The following CACNA2D4 variants were observed in gnomAD, a reference collection of about 807,000 sequenced individuals.
The protein encoded by CACNA2D4 is calcium voltage-gated channel auxiliary subunit alpha2delta 4, also known as voltage-dependent calcium channel subunit alpha-2/delta-4.
In CACNA2D4, 157 loss-of-function variants were observed where a neutral mutation model predicts 163.8. That is an observed-to-expected ratio of 0.96 (90% CI 0.84 to 1.09). CACNA2D4 has a LOEUF of 1.09. Ranked by LOEUF, CACNA2D4 falls within the 50% of genes least tolerant of loss-of-function variation. The pLI is 0.00. For synonymous variants in CACNA2D4, 598 were observed against 586.9 expected (o/e 1.02, Z -0.27); for missense variants, 1,410 against 1,479.9 (o/e 0.95, Z 0.78).
intron 6 of CACNA2D4, among the ~76,000 whole-genome samples, chr12:1,888,423 G>T (rs1866202425): frequency 6.6e-6 from 1 of 152,138 alleles, no homozygotes; most frequent in African/African-American, 2.4e-5. Flanking sequence ...TACATAAGGA[G>T]CAGACCCCTA....
chr12:1,818,642 G>A (rs1449181276), intron 26 of CACNA2D4, among the ~76,000 whole-genome samples: 4 of 151,292 alleles, frequency 2.6e-5, no homozygotes, highest in Non-Finnish European at 4.4e-5. Flanking sequence ...GCGGAAGGCC[G>A]CAGGGTCCTC....
intron 2 of CACNA2D4, among the ~76,000 whole-genome samples, chr12:1,913,410 G>C (rs113919131): frequency 1.2e-4 from 18 of 152,346 alleles, no homozygotes; most frequent in Admixed American, 3.9e-4. Flanking sequence ...GCTCAGAGAA[G>C]TCAGTGAACT....
Position 1,834,646 on chromosome 12 carries a change from C to T in CACNA2D4, c.2551+6093G>A. 6.2e-7 allele frequency: 1 copy of T among 1,600,760 alleles called. No individual in the cohort carries two copies. Among genetic ancestry groups the T allele is most frequent in the Non-Finnish European group, 8.5e-7 (1 of 1,179,820 alleles). On this transcript the variant is annotated intron_variant, in intron 26 of 37. Coordinates refer to ENST00000382722, the MANE Select transcript of CACNA2D4 (RefSeq NM_172364.5). This position sits in a 1 kb window ranked among gnomAD's most constrained non-coding sequence, Gnocchi z 7.6. ...TCATGGCCAAGTACCACCGGGAGCT[C>T]AAAAAGCGCCAGCCCCTGATGGGGG...
chr12:1,818,090 C>T (rs1241292645), intron 26 of CACNA2D4, among the ~76,000 whole-genome samples: 2 of 149,834 alleles, frequency 1.3e-5, no homozygotes, highest in African/African-American at 5.0e-5. Flanking sequence ...GCGCCTCTGC[C>T]CCACCGCCCC....
In CACNA2D4 at chr12:1,914,947, T is replaced by C; in HGVS notation, c.228-12A>G. 6.2e-7 allele frequency: 1 copy of C among 1,601,718 alleles called. No homozygotes were observed. The highest frequency in any genetic ancestry group is 8.6e-7 in the Non-Finnish European group (1 of 1,168,728). On this transcript the variant is annotated splice_polypyrimidine_tract_variant and intron_variant, in intron 1 of 37. Coordinates refer to ENST00000382722, the MANE Select transcript of CACNA2D4 (RefSeq NM_172364.5). ...CCCATAGCTTCACTCTGCCAGGCAA[T>C]GAAAGGACACGCGTATACACACACG...
chr12:1,913,102 T>G lies in CACNA2D4; in HGVS notation c.347A>C (p.Glu116Ala). The stretch of plus-strand genomic sequence containing the variant: ...CCTCACCAGCTCCAAGCCATCCACC[T>G]CCTCGATCTTCAGACTGGACTCCAC... ...KDVESSLKIE[E>A]VDGLELVRKF... The change falls in exon 3 of 38, where the codon GAG becomes GCG. Residue 116 changes from glutamate (E) to alanine (A), a missense_variant. Transcript: ENST00000382722. 2 of 1,613,762 alleles carry G rather than the reference T, an allele frequency of 1.2e-6. No individual in the cohort carries two copies.
At position 1,793,728 on chromosome 12, in the gene CACNA2D4, T is replaced by A; in HGVS notation, c.3341A>T (p.Asp1114Val). 1 of 1,613,190 alleles carries A rather than the reference T, an allele frequency of 6.2e-7. No individual in the cohort carries two copies. Among genetic ancestry groups the A allele is most frequent in the Admixed American group, 1.7e-5 (1 of 60,020 alleles). Residue 1114 changes from aspartate (D) to valine (V), a missense_variant, in exon 38 of 38, where the codon GAC (aspartate) becomes GTC (valine). Physicochemically the swap from Asp to Val is radical, Grantham distance 152. Coordinates refer to ENST00000382722, the MANE Select transcript of CACNA2D4 (RefSeq NM_172364.5). ...ENAQDCGGAS[D>V]TSASPPLLLL... ...GAGTAGGGGCGGCGAGGCTGAGGTG[T>A]CCGAGGCGCCGCCGCAGTCCTGGGC...
intron 26 of CACNA2D4, among the ~76,000 whole-genome samples, chr12:1,838,002 A>C (rs1451876563): frequency 6.6e-6 from 1 of 152,190 alleles, no homozygotes; most frequent in Non-Finnish European, 1.5e-5. Flanking sequence ...GCTTGTGTAC[A>C]TTACAAGTCA....
In CACNA2D4 at chr12:1,856,075, G is replaced by A. The variant is rs369242248; in HGVS notation, c.2089C>T (p.Arg697Trp). 82 of 1,613,892 alleles carry A rather than the reference G, an allele frequency of 5.1e-5. No individual in the cohort carries two copies. Among genetic ancestry groups the A allele is most frequent in the African/African-American group, 2.0e-4 (15 of 74,938 alleles). The change falls in exon 22 of 38, where the codon CGG becomes TGG. Residue 697 changes from arginine (R) to tryptophan (W), a missense_variant. Arg to Trp is a moderately radical substitution (Grantham distance 101). Transcript: ENST00000382722. The part of the protein sequence containing the change: ...YCITDIDPDH[R>W]KLSQLEAMIR... ...ATGGCCTCTAGCTGGCTGAGCTTCCGGTGGTCTGGGTCAATATCTGTGATG... is the reference window on the plus strand; with the variant it reads ...ATGGCCTCTAGCTGGCTGAGCTTCCAGTGGTCTGGGTCAATATCTGTGATG...
chr12:1,905,816 A>G (rs941281510), intron 6 of CACNA2D4, among the ~76,000 whole-genome samples: 1 of 152,156 alleles, frequency 6.6e-6, no homozygotes, highest in Non-Finnish European at 1.5e-5. Context: ...TACAATCACA[A>G]CGAGCAAGAG....
At chr12:1,901,130 A>ATGAAACATTC (rs1267137894) in intron 6 of CACNA2D4, among the ~76,000 whole-genome samples, 1 of 152,208 alleles carries the variant, frequency 6.6e-6, no homozygotes, top group Non-Finnish European at 1.5e-5. Flanking sequence ...TAAGAAGGAA[A>ATGAAACATTC]TTGAAAAATT....
chr12:1,882,991 G>A lies in CACNA2D4; in HGVS notation c.1361C>T (p.Thr454Met), dbSNP rs138567080. Reference protein sequence around the residue: ...WIACNNKGYYTQISTLADTQE... With the variant: ...WIACNNKGYYMQISTLADTQE... The stretch of plus-strand genomic sequence containing the variant: ...GGTGTCCGCCAGCGTTGAGATCTGC[G>A]TGTAGTAGCCTGCGGTGGGGAAGGC... Residue 454 changes from threonine (T) to methionine (M), a missense_variant, in exon 13 of 38, where the codon ACG (threonine) becomes ATG (methionine). By Grantham distance (81) the Thr-to-Met change is moderately conservative (BLOSUM62 -1). Coordinates refer to ENST00000382722, the MANE Select transcript of CACNA2D4 (RefSeq NM_172364.5). 84 of 1,612,798 alleles carry A rather than the reference G, an allele frequency of 5.2e-5. No homozygotes were observed. In the South Asian group the frequency reaches 6.9e-4, roughly 13 times the overall value.
In CACNA2D4 at chr12:1,792,452, CG is replaced by C. The variant is rs57667551; in HGVS notation, c.*1202del. 66,414 of 152,118 alleles carry C rather than the reference CG, an allele frequency of 0.44. 16,612 individuals carry two copies. Among genetic ancestry groups the C allele is most frequent in the Non-Finnish European group, 0.56 (38,336 of 68,012 alleles). 9.4% of individuals were successfully genotyped at this position (152,118 alleles called of 1,614,324 possible). On this transcript the variant is annotated 3_prime_UTR_variant, in exon 38 of 38. Coordinates refer to ENST00000382722, the MANE Select transcript of CACNA2D4 (RefSeq NM_172364.5). ...GTGGAGGCTGAGGGTGATGGAGGAG[CG>C]GGGGGAAGCGCCCCAAAAGCCCTGC... is the stretch of plus-strand genomic sequence containing the variant.
chr12:1,858,737 A>AT (rs1368925055), intron 19 of CACNA2D4, 93 bp from the exon 20 acceptor site: 37 of 956,300 alleles, frequency 3.9e-5, no homozygotes, highest in Middle Eastern at 2.2e-4. Context: ...CACTAGGTGT[A>AT]TGGGCTTTTT....
chr12:1,799,612 T>A lies in CACNA2D4; in HGVS notation c.2995+63A>T. 6.5e-7 allele frequency: 1 copy of A among 1,534,260 alleles called. No individual in the cohort carries two copies. Among genetic ancestry groups the A allele is most frequent in the Non-Finnish European group, 8.8e-7 (1 of 1,131,244 alleles). ...GGACAGGTCATGGAGGGTGGGTTCT[T>A]TGTAGCTCCTGCTGCGTCCCCAACC... is the stretch of plus-strand genomic sequence containing the variant. On this transcript the variant is annotated intron_variant, in intron 34 of 37. Coordinates refer to ENST00000382722, the MANE Select transcript of CACNA2D4 (RefSeq NM_172364.5). This position sits in a 1 kb window ranked among gnomAD's most constrained non-coding sequence, Gnocchi z 4.7.
chr12:1,886,024 G>A lies in CACNA2D4; in HGVS notation c.1009C>T (p.His337Tyr), dbSNP rs1866134351. Residue 337 changes from histidine to tyrosine, a missense_variant, in exon 9 of 38, where the codon CAT (histidine) becomes TAT (tyrosine). By Grantham distance (83) the His-to-Tyr change is moderately conservative. Coordinates refer to ENST00000382722, the MANE Select transcript of CACNA2D4 (RefSeq NM_172364.5). ...INIIAYNDYV[H>Y]YIEPCFKGIL... The stretch of plus-strand genomic sequence containing the variant: ...CCTTTAAAACAAGGCTCGATGTAAT[G>A]GACGTAGTCATTGTACTGCAGTTGC... 1.9e-6 allele frequency: 3 copies of A among 1,613,330 alleles called. No homozygotes were observed. The highest frequency in any genetic ancestry group is 2.5e-6 in the Non-Finnish European group (3 of 1,179,442).
chr12:1,804,764 G>A (rs933791051), intron 29 of CACNA2D4, among the ~76,000 whole-genome samples: 1 of 152,254 alleles, frequency 6.6e-6, no homozygotes, highest in African/African-American at 2.4e-5. Flanking sequence ...TTGCGCTCTG[G>A]GAAGTGGACT....
chr12:1,797,223 G>T (rs1474252256), intron 35 of CACNA2D4, among the ~76,000 whole-genome samples, 195 bp downstream of exon 35: 2 of 152,186 alleles, frequency 1.3e-5, no homozygotes, highest in East Asian at 3.9e-4. Context: ...GCCTCAGACC[G>T]TCCGCCTCCT....
intron 26 of CACNA2D4, among the ~76,000 whole-genome samples, chr12:1,831,942 A>G (rs1864654667): frequency 6.6e-6 from 1 of 152,218 alleles, no homozygotes; most frequent in Non-Finnish European, 1.5e-5. Context: ...GCTCTTCTGA[A>G]GAATACAGCC....
Sources: gnomAD v4.1 joint callset for allele counts (sites outside exome capture counted in the v4.1 genomes callset) on GRCh38, gnomAD v4.1.1 for gene constraint, Gnocchi (gnomAD v3.1) non-coding constraint, MANE v1.5 for transcripts, NCBI Gene and HGNC (gene_info 2026-07-23, HGNC 2026-07-21) for gene names.